The following CFAP299 variants were observed in gnomAD, a reference collection of about 807,000 sequenced individuals.
The protein encoded by CFAP299 is cilia and flagella associated protein 299.
Under a neutral mutation model 27.0 loss-of-function variants are expected in CFAP299, and 21 were observed. That is an observed-to-expected ratio of 0.78 (90% CI 0.55 to 1.12). The LOEUF is 1.12. CFAP299 is among the 50% of genes most tolerant of loss of function. The pLI is 0.00. For missense variants in CFAP299, 310 were observed against 276.6 expected, an observed-to-expected ratio of 1.12 and a Z score of -0.86; for synonymous variants, 104 against 98.1, an observed-to-expected ratio of 1.06 and a Z score of -0.36.
chr4:80,693,631 T>C (rs1443276998), intron 3 of CFAP299, among the ~76,000 whole-genome samples: 2 of 151,598 alleles, frequency 1.3e-5, no homozygotes, highest in African/African-American at 2.4e-5. Flanking sequence ...GCATGGCACA[T>C]GTATACATAT....
At chr4:80,751,269 A>G (rs1024763859) in intron 3 of CFAP299, among the ~76,000 whole-genome samples, 3 of 152,068 alleles carry the variant, frequency 2.0e-5, no homozygotes, top group Non-Finnish European at 4.4e-5. Context: ...GTGGCTGGGG[A>G]CCCCTATTGG....
intron 2 of CFAP299, chr4:80,387,474 C>G: frequency 6.1e-6 from 5 of 814,564 alleles, no homozygotes; most frequent in Middle Eastern, 2.4e-4. Context: ...CGGCTTGCCC[C>G]TTGCTATCGC....
chr4:80,382,361 T>C (rs780892037), intron 2 of CFAP299, among the ~76,000 whole-genome samples: 1 of 152,170 alleles, frequency 6.6e-6, no homozygotes, highest in African/African-American at 2.4e-5. Flanking sequence ...AACTGCAGTG[T>C]TTCTGCATAA....
chr4:80,958,870 C>T (rs1384833027), intron 5 of CFAP299, among the ~76,000 whole-genome samples: 2 of 152,096 alleles, frequency 1.3e-5, no homozygotes, highest in Non-Finnish European at 2.9e-5. Context: ...CCATGAGGTT[C>T]TAAGACTGTT....
At chr4:80,919,445 G>A (rs992511333) in intron 4 of CFAP299, among the ~76,000 whole-genome samples, 1 of 152,092 alleles carries the variant, frequency 6.6e-6, no homozygotes, top group African/African-American at 2.4e-5. Context: ...TAATTCAAGT[G>A]TATAGAATTT....
Position 80,776,224 on chromosome 4 carries a change from A to T in CFAP299, c.334-93769A>T, listed in dbSNP as rs543272105. Among the ~76,000 whole-genome samples the T allele has an allele frequency of 1.1e-3, 167 of 152,192 alleles. 1 individual carries two copies. The highest frequency in any genetic ancestry group is 3.7e-3 in the African/African-American group (154 of 41,524). ...ATCATGCTAATTTGGCAATTTTCAC[A>T]ATTATTTTAGAACTTTGCCAGAAGC... On this transcript the variant is annotated intron_variant, in intron 3 of 5. Transcript: ENST00000358105.
intron 1 of CFAP299, among the ~76,000 whole-genome samples, chr4:80,337,313 G>A (rs1722199694): frequency 6.6e-6 from 1 of 151,964 alleles, no homozygotes; most frequent in Non-Finnish European, 1.5e-5. Context: ...ATTTTTTAAG[G>A]CACAGTTCTT....
At chr4:80,423,650 C>A (rs1321087000) in intron 2 of CFAP299, among the ~76,000 whole-genome samples, 1 of 152,172 alleles carries the variant, frequency 6.6e-6, no homozygotes, top group Non-Finnish European at 1.5e-5. Context: ...GTTGTCTCAG[C>A]TGGCGGCTGG....
At chr4:80,854,832 A>C (rs1731743311) in intron 3 of CFAP299, among the ~76,000 whole-genome samples, 1 of 150,296 alleles carries the variant, frequency 6.7e-6, no homozygotes, top group African/African-American at 2.5e-5. Flanking sequence ...AAAAAAAAAA[A>C]AAAAACAGAA....
At chr4:80,593,558 C>T (rs1320635773) in intron 3 of CFAP299, among the ~76,000 whole-genome samples, 2 of 152,058 alleles carry the variant, frequency 1.3e-5, no homozygotes, top group Non-Finnish European at 2.9e-5. Context: ...TCTGTGGGAT[C>T]TATGGTGATA....
intron 2 of CFAP299, among the ~76,000 whole-genome samples, chr4:80,497,306 A>C (rs1409878529): frequency 6.6e-6 from 1 of 152,220 alleles, no homozygotes; most frequent in African/African-American, 2.4e-5. Flanking sequence ...TTCTCAAAGT[A>C]ATAGTGTAAT....
At chr4:80,920,392 T>C (rs1735985967) in intron 4 of CFAP299, among the ~76,000 whole-genome samples, 1 of 152,152 alleles carries the variant, frequency 6.6e-6, no homozygotes, top group Non-Finnish European at 1.5e-5. Flanking sequence ...TCAGCATACC[T>C]GACCTGCTTC....
At chr4:80,643,634 C>T (rs538289177) in intron 3 of CFAP299, among the ~76,000 whole-genome samples, 21 of 152,042 alleles carry the variant, frequency 1.4e-4, no homozygotes, top group Non-Finnish European at 2.1e-4. Flanking sequence ...GATATGAAGA[C>T]GGGTGATTCA....
At chr4:80,634,997 C>T (rs1739409867) in intron 3 of CFAP299, among the ~76,000 whole-genome samples, 1 of 152,042 alleles carries the variant, frequency 6.6e-6, no homozygotes, top group Admixed American at 6.6e-5. Flanking sequence ...CATTATAAAT[C>T]ATCTCTTATT....
intron 3 of CFAP299, among the ~76,000 whole-genome samples, chr4:80,755,900 A>G (rs1578094342): frequency 6.6e-6 from 1 of 152,124 alleles, no homozygotes; most frequent in East Asian, 1.9e-4. Flanking sequence ...AGTTTTGATC[A>G]TAAGAAATAT....
At position 80,422,449 on chromosome 4, in the gene CFAP299, T is replaced by C. The variant is rs184782325; in HGVS notation, c.242+59565T>C. Among the ~76,000 whole-genome samples the C allele has an allele frequency of 8.8e-4, 134 of 152,294 alleles. 1 individual carries two copies. Among genetic ancestry groups the C allele is most frequent in the African/African-American group, 3.2e-3 (131 of 41,566 alleles). ...CTAACTGCATCTGCTACTACGCCCA[T>C]AGGCCGACCCTAAGTTCCTGACAGA... is the stretch of plus-strand genomic sequence containing the variant. On this transcript the variant is annotated intron_variant, in intron 2 of 5. Coordinates refer to ENST00000358105, the MANE Select transcript of CFAP299 (RefSeq NM_152770.3).
At chr4:80,535,550 C>A (rs1425728191) in intron 2 of CFAP299, among the ~76,000 whole-genome samples, 1 of 147,082 alleles carries the variant, frequency 6.8e-6, no homozygotes, top group African/African-American at 2.4e-5. Flanking sequence ...ATATCACTCT[C>A]TAGCCATGTT....
intron 2 of CFAP299, among the ~76,000 whole-genome samples, chr4:80,472,452 A>T (rs1328346045): frequency 6.6e-6 from 1 of 152,194 alleles, no homozygotes; most frequent in East Asian, 1.9e-4. Context: ...AACCCAACGG[A>T]TGAAAGAGGG....
At chr4:80,592,177 T>A (rs1736822513) in intron 3 of CFAP299, among the ~76,000 whole-genome samples, 1 of 152,312 alleles carries the variant, frequency 6.6e-6, no homozygotes, top group East Asian at 1.9e-4. Context: ...ATTAGTGAGT[T>A]TACTGATTGC....
Sources: allele counts gnomAD v4.1 joint callset (sites outside exome capture counted in the v4.1 genomes callset), GRCh38; gene constraint gnomAD v4.1.1; transcripts MANE v1.5; gene names NCBI Gene and HGNC (gene_info 2026-07-23, HGNC 2026-07-21).